The following INPP4B variants were observed in gnomAD, a reference collection of about 807,000 sequenced individuals.
The protein encoded by INPP4B is inositol polyphosphate 4-phosphatase type II.
INPP4B carries 55 observed loss-of-function variants against 122.5 expected under a neutral mutation model. The observed-to-expected ratio is 0.45, with a 90% CI of 0.36 to 0.56. INPP4B has a LOEUF of 0.56. Ranked by LOEUF, INPP4B falls within the 20% of genes least tolerant of loss-of-function variation. INPP4B has a pLI of 0.00. For synonymous variants in INPP4B, 403 were observed against 388.7 expected (o/e 1.04, Z -0.43); for missense variants, 1,000 against 1,097.7 (o/e 0.91, Z 1.26).
chr4:142,127,758 G>C (rs1354563326), intron 18 of INPP4B, among the ~76,000 whole-genome samples: 2 of 152,142 alleles, frequency 1.3e-5, no homozygotes, highest in Non-Finnish European at 1.5e-5. Context: ...AGGAACATAA[G>C]TGAAAAAGCT....
intron 2 of INPP4B, among the ~76,000 whole-genome samples, chr4:142,592,068 TTAA>T (rs1254559575): frequency 2.6e-5 from 4 of 152,166 alleles, no homozygotes; most frequent in Non-Finnish European, 5.9e-5. Context: ...GCACAAAATG[TTAA>T]TAATAGGGGA....
chr4:142,592,799 T>C (rs889429698), intron 2 of INPP4B, among the ~76,000 whole-genome samples: 11 of 152,160 alleles, frequency 7.2e-5, no homozygotes, highest in African/African-American at 2.4e-4. Context: ...GCTGAATTTA[T>C]AGGATCAAAG....
At chr4:142,482,402 A>G (rs1358518130) in intron 2 of INPP4B, among the ~76,000 whole-genome samples, 2 of 152,164 alleles carry the variant, frequency 1.3e-5, no homozygotes, top group Admixed American at 1.3e-4. Context: ...TTATCCAATT[A>G]AGCTTTTAAC....
intron 21 of INPP4B, 77 bp downstream of exon 21, chr4:142,122,051 T>G: frequency 1.1e-6 from 1 of 872,998 alleles, no homozygotes; most frequent in Non-Finnish European, 1.8e-6. Context: ...AAACCTGAAT[T>G]CTCCTTGCCT....
At chr4:142,764,638 A>T (rs1272665968) in intron 1 of INPP4B, among the ~76,000 whole-genome samples, 1 of 152,166 alleles carries the variant, frequency 6.6e-6, no homozygotes, top group African/African-American at 2.4e-5. Flanking sequence ...TATTTCTGAG[A>T]GAGGACAATG....
chr4:142,649,657 G>C (rs1172457250), intron 2 of INPP4B, among the ~76,000 whole-genome samples: 1 of 152,020 alleles, frequency 6.6e-6, no homozygotes, highest in Non-Finnish European at 1.5e-5. Context: ...AGAAGAAAAG[G>C]TTAGAGAAGA....
At chr4:142,830,004 A>G (rs1781925935) in intron 1 of INPP4B, among the ~76,000 whole-genome samples, 1 of 152,186 alleles carries the variant, frequency 6.6e-6, no homozygotes, top group African/African-American at 2.4e-5. Context: ...AATCTGGCAC[A>G]GGATGTAGAG....
chr4:142,752,241 G>A (rs942153835), intron 1 of INPP4B, among the ~76,000 whole-genome samples: 2 of 152,058 alleles, frequency 1.3e-5, no homozygotes, highest in Non-Finnish European at 2.9e-5. Context: ...TCCCTGTGGA[G>A]AGCAGAGATT....
intron 2 of INPP4B, among the ~76,000 whole-genome samples, chr4:142,508,822 TG>T (rs1824347876): frequency 6.6e-6 from 1 of 152,208 alleles, no homozygotes; most frequent in Non-Finnish European, 1.5e-5. Context: ...GGAGGAAGTT[TG>T]GCACCTAGTG....
chr4:142,485,938 T>C (rs1821143474), intron 2 of INPP4B, among the ~76,000 whole-genome samples: 1 of 152,120 alleles, frequency 6.6e-6, no homozygotes, highest in Non-Finnish European at 1.5e-5. Context: ...TCTGTGCAAT[T>C]AGGTGACTGA....
At chr4:142,362,976 C>T (rs929806527) in intron 7 of INPP4B, among the ~76,000 whole-genome samples, 2 of 151,988 alleles carry the variant, frequency 1.3e-5, no homozygotes, top group Admixed American at 6.6e-5. Flanking sequence ...ACATGTACCC[C>T]CTAAATCAAA....
intron 25 of INPP4B, chr4:142,029,946 C>G: frequency 7.7e-7 from 1 of 1,301,956 alleles, no homozygotes; most frequent in East Asian, 2.8e-5. Context: ...AACAAAAGAG[C>G]AAAATAATCC....
chr4:142,118,594 T>G (rs55666838), intron 21 of INPP4B, among the ~76,000 whole-genome samples: 1 of 152,008 alleles, frequency 6.6e-6, no homozygotes, highest in Non-Finnish European at 1.5e-5. Context: ...TAGCCATATG[T>G]AGAAAGTTGA....
chr4:142,508,288 T>C (rs1326611968), intron 2 of INPP4B, among the ~76,000 whole-genome samples: 1 of 152,148 alleles, frequency 6.6e-6, no homozygotes. Context: ...CTGCCTCTTG[T>C]TTCAGCAGAG....
At chr4:142,647,604 T>C (rs1330511451) in intron 2 of INPP4B, among the ~76,000 whole-genome samples, 2 of 152,154 alleles carry the variant, frequency 1.3e-5, no homozygotes, top group Admixed American at 1.3e-4. Flanking sequence ...CTGATAACCA[T>C]GTGTGAGACC....
chr4:142,169,186 CTA>C (rs1294617152), intron 16 of INPP4B, among the ~76,000 whole-genome samples: 3 of 151,458 alleles, frequency 2.0e-5, no homozygotes, highest in East Asian at 1.9e-4. Context: ...TTATTGTATA[CTA>C]TCTCTTATTT....
chr4:142,555,979 A>G (rs1364645156), intron 2 of INPP4B, among the ~76,000 whole-genome samples: 1 of 152,118 alleles, frequency 6.6e-6, no homozygotes, highest in Non-Finnish European at 1.5e-5. Flanking sequence ...GTATCTTTTC[A>G]GCAAGCGAGG....
At position 142,404,893 on chromosome 4, in the gene INPP4B, G is replaced by C. The variant is rs542926507; in HGVS notation, c.255+313C>G. ...TATGCTCTATATGAGAATTTAAAGT[G>C]GGAACTTTTTTTTCTATCTTTGGGA... On this transcript the variant is annotated intron_variant, in intron 6 of 25. Coordinates refer to ENST00000262992, the MANE Select transcript of INPP4B (RefSeq NM_001101669.3). 5.0e-4 allele frequency among the ~76,000 whole-genome samples: 76 copies of C among 151,670 alleles called. 1 individual carries two copies. In the South Asian group the frequency reaches 0.015, roughly 31 times the overall value.
chr4:142,235,261 G>T (rs1366444162), intron 12 of INPP4B, among the ~76,000 whole-genome samples: 1 of 151,866 alleles, frequency 6.6e-6, no homozygotes, highest in Non-Finnish European at 1.5e-5. Context: ...CTAGCTTGTT[G>T]AATTTTTAAA....
Sources: allele counts gnomAD v4.1 joint callset (sites outside exome capture counted in the v4.1 genomes callset), GRCh38; gene constraint gnomAD v4.1.1; transcripts MANE v1.5; gene names NCBI Gene and HGNC (gene_info 2026-07-23, HGNC 2026-07-21).